The following TRNAU1AP variants were observed in gnomAD, a reference collection of about 807,000 sequenced individuals.
The protein encoded by TRNAU1AP is tRNA selenocysteine 1-associated protein 1.
In TRNAU1AP, 33 loss-of-function variants were observed where a neutral mutation model predicts 43.3. The observed-to-expected ratio is 0.76, with a 90% CI of 0.58 to 1.02. TRNAU1AP has a LOEUF of 1.02. Among genes scored for constraint, TRNAU1AP ranks in the 50% least tolerant of loss-of-function variants. The pLI is 0.00. For synonymous variants in TRNAU1AP, 143 were observed against 129.1 expected (o/e 1.11, Z -0.73); for missense variants, 290 against 362.7 (o/e 0.80, Z 1.63).
Position 28,577,734 on chromosome 1 carries a change from T to A in TRNAU1AP, c.*98T>A. ...TTTTTGGAAATATGATTTGTAAGAT[T>A]TTAATAATGACTGTTTTTGGAGATC... On this transcript the variant is annotated 3_prime_UTR_variant, in exon 9 of 9. Coordinates refer to ENST00000373830, the MANE Select transcript of TRNAU1AP (RefSeq NM_017846.5). 1 of 1,299,536 alleles carries A rather than the reference T, an allele frequency of 7.7e-7. No individual in the cohort carries two copies. 80.5% of individuals were successfully genotyped at this position (1,299,536 alleles called of 1,614,324 possible).
chr1:28,576,036 ATT>A (rs1034817250), intron 8 of TRNAU1AP, among the ~76,000 whole-genome samples: 1 of 137,722 alleles, frequency 7.3e-6, no homozygotes, highest in African/African-American at 2.7e-5. Context: ...AATTTTTTGT[ATT>A]TGAGTAGAGA....
rs1194684831 is a variant in TRNAU1AP at position 28,561,499 on chromosome 1, C to T, written c.278+101C>T. 4 of 1,301,060 alleles carry T rather than the reference C, an allele frequency of 3.1e-6. No individual in the cohort carries two copies. In the South Asian group the frequency reaches 4.8e-5, roughly 16 times the overall value. The allele number at this position is 1,301,060 out of a possible 1,614,324, so 80.6% of individuals were successfully genotyped here. A position where few individuals can be genotyped will look rare whatever the true frequency, so the allele number is the denominator to read the frequency against. ...CCGGTTTGGCTGCACTTGGTTCCCTCCTGAAGGACGACGCTCTTCTCCCTT... is the reference window on the plus strand; with the variant it reads ...CCGGTTTGGCTGCACTTGGTTCCCTTCTGAAGGACGACGCTCTTCTCCCTT... On this transcript the variant is annotated intron_variant, in intron 4 of 8. Transcript: ENST00000373830.
In TRNAU1AP at chr1:28,567,392, T is replaced by A; in HGVS notation, c.509T>A (p.Leu170Gln). Residue 170 changes from leucine (L) to glutamine (Q), a missense_variant, in exon 6 of 9, where the codon CTG becomes CAG. Physicochemically the swap from Leu to Gln is moderately radical, Grantham distance 113 (BLOSUM62 -2). Transcript: ENST00000373830. ...GGACTGGGGTCTAAGCCTGTGCGGCTGAGCGTGGCAATCCCTAAAGCGTGA... is the reference window on the plus strand; with the variant it reads ...GGACTGGGGTCTAAGCCTGTGCGGCAGAGCGTGGCAATCCCTAAAGCGTGA... ...AVGLGSKPVR[L>Q]SVAIPKASRV... is the part of the protein sequence containing the mutation. 1.2e-6 allele frequency: 2 copies of A among 1,610,458 alleles called. No homozygotes were observed. Among genetic ancestry groups the A allele is most frequent in the Non-Finnish European group, 1.7e-6 (2 of 1,179,212 alleles).
At chr1:28,577,228 C>A (rs1431774673) in intron 8 of TRNAU1AP, among the ~76,000 whole-genome samples, 3 of 152,174 alleles carry the variant, frequency 2.0e-5, no homozygotes, top group Non-Finnish European at 4.4e-5. Flanking sequence ...GAAGTGAGGA[C>A]CAGACCAGAA....
chr1:28,554,448 C>G (rs1339406191), intron 2 of TRNAU1AP, among the ~76,000 whole-genome samples: 1 of 152,080 alleles, frequency 6.6e-6, no homozygotes, highest in Non-Finnish European at 1.5e-5. Context: ...AGATTACGAT[C>G]TGCTGAGTAA....
chr1:28,577,561 G>A lies in TRNAU1AP; in HGVS notation c.789G>A (p.Glu263=). 1 of 1,614,162 alleles carries A rather than the reference G, an allele frequency of 6.2e-7. No homozygotes were observed. The highest frequency in any genetic ancestry group is 1.1e-5 in the South Asian group (1 of 91,080). ...ANKEFMEQSE[E]LYDALMDCHW... ...AGGAGTTCATGGAACAGAGTGAGGA[G>A]CTGTATGACGCTCTGATGGACTGTC... The change falls in exon 9 of 9, where the codon GAG becomes GAA. Residue 263 remains glutamate (E), a synonymous_variant. Coordinates refer to ENST00000373830, the MANE Select transcript of TRNAU1AP (RefSeq NM_017846.5).
At chr1:28,554,859 A>C (rs1665223479) in intron 2 of TRNAU1AP, among the ~76,000 whole-genome samples, 1 of 150,102 alleles carries the variant, frequency 6.7e-6, no homozygotes, top group Non-Finnish European at 1.5e-5. Context: ...AAAAAAAAAG[A>C]GTTATAATAA....
chr1:28,577,668 G>A lies in TRNAU1AP; in HGVS notation c.*32G>A, dbSNP rs147654347. 9.5e-5 allele frequency: 150 copies of A among 1,584,860 alleles called. No individual in the cohort carries two copies. The African/African-American group carries it at 1.9e-3, about 20-fold the overall frequency. ...CAAAGGACAAGCCAGGTTGCATGAT[G>A]TGAGGGAGATGAGAGACTCCTTTTT... On this transcript the variant is annotated 3_prime_UTR_variant, in exon 9 of 9. Transcript: ENST00000373830.
At chr1:28,570,513 G>A (rs1027642680) in intron 6 of TRNAU1AP, among the ~76,000 whole-genome samples, 1 of 151,164 alleles carries the variant, frequency 6.6e-6, no homozygotes, top group Non-Finnish European at 1.5e-5. Context: ...CTCCCAAAGT[G>A]TTGGGATTAC....
At chr1:28,558,460 C>T (rs901234959) in intron 2 of TRNAU1AP, among the ~76,000 whole-genome samples, 1 of 150,864 alleles carries the variant, frequency 6.6e-6, no homozygotes. Flanking sequence ...TTGATGCGAT[C>T]TCAGCTCACT....
At chr1:28,565,094 T>C in intron 5 of TRNAU1AP, 1 of 459,974 alleles carries the variant, frequency 2.2e-6, no homozygotes, top group Non-Finnish European at 3.9e-6. Context: ...ATGTAAGGAT[T>C]AAAGGATATA....
intron 5 of TRNAU1AP, among the ~76,000 whole-genome samples, 184 bp from the exon 6 acceptor site, chr1:28,567,110 A>G (rs532402869): frequency 2.0e-5 from 3 of 152,216 alleles, no homozygotes; most frequent in Non-Finnish European, 4.4e-5. Flanking sequence ...TCTTGACACT[A>G]TGTGGACACC....
At chr1:28,573,231 A>G (rs1448390840) in intron 8 of TRNAU1AP, among the ~76,000 whole-genome samples, 2 of 150,250 alleles carry the variant, frequency 1.3e-5, no homozygotes, top group African/African-American at 4.8e-5. Context: ...ACGGGGTTTC[A>G]CCATCTTGGC....
chr1:28,560,438 T>C (rs1342769976), intron 2 of TRNAU1AP, among the ~76,000 whole-genome samples, 195 bp from the exon 3 acceptor site: 1 of 152,098 alleles, frequency 6.6e-6, no homozygotes, highest in East Asian at 1.9e-4. Flanking sequence ...TGCGCCGCCA[T>C]GCCCAGCCAA....
intron 4 of TRNAU1AP, among the ~76,000 whole-genome samples, chr1:28,563,809 G>A (rs1048493931): frequency 2.0e-5 from 3 of 151,988 alleles, no homozygotes; most frequent in African/African-American, 7.2e-5. Context: ...CCGAGATCAC[G>A]CCACTGCACT....
At chr1:28,577,475 G>T in intron 8 of TRNAU1AP, 25 bp from the exon 9 acceptor site, 1 of 1,612,378 alleles carries the variant, frequency 6.2e-7, no homozygotes, top group South Asian at 1.1e-5. Context: ...AGACTTCCCT[G>T]ACCCCATCCT....
At chr1:28,558,080 T>G (rs1174030504) in intron 2 of TRNAU1AP, among the ~76,000 whole-genome samples, 3 of 149,102 alleles carry the variant, frequency 2.0e-5, no homozygotes, top group Non-Finnish European at 3.0e-5. Context: ...TTTTTTTTTT[T>G]TTTTGTTTAG....
intron 6 of TRNAU1AP, among the ~76,000 whole-genome samples, chr1:28,567,963 A>C (rs931977043): frequency 1.3e-5 from 2 of 152,116 alleles, no homozygotes; most frequent in Admixed American, 6.6e-5. Context: ...CAGTAGTTCG[A>C]GACCAGCCTG....
At chr1:28,569,832 A>C (rs1179441117) in intron 6 of TRNAU1AP, among the ~76,000 whole-genome samples, 3 of 60,008 alleles carry the variant, frequency 5.0e-5, no homozygotes, top group Non-Finnish European at 3.1e-5. Flanking sequence ...TAAAAATACC[A>C]AAAAAAAAAA....
Sources: allele counts gnomAD v4.1 joint callset (sites outside exome capture counted in the v4.1 genomes callset), GRCh38; gene constraint gnomAD v4.1.1; transcripts MANE v1.5; gene names NCBI Gene and HGNC (gene_info 2026-07-23, HGNC 2026-07-21).